Variants in SCRG1 observed in about 807,000 individuals in gnomAD.
SCRG1 encodes scrapie-responsive protein 1.
In SCRG1, 3 loss-of-function variants were observed where a neutral mutation model predicts 7.7. The ratio of observed to expected loss-of-function variants is 0.39; its 90% CI spans 0.18 to 1.01. The LOEUF (loss-of-function observed/expected upper bound fraction) is 1.01. SCRG1 is among the 50% of genes least tolerant of loss of function. The pLI, the probability that SCRG1 is intolerant of heterozygous loss-of-function variation, is 0.36. For missense variants in SCRG1, 110 were observed against 117.2 expected, an observed-to-expected ratio of 0.94 and a Z score of 0.28; for synonymous variants, 46 against 41.2, an observed-to-expected ratio of 1.12 and a Z score of -0.44.
chr4:173,415,763 C>G, the SCRG1 span, among the ~76,000 whole-genome samples: 1 of 152,152 alleles, frequency 6.6e-6, no homozygotes, highest in East Asian at 1.9e-4. Context: ...CAAACATGAT[C>G]TCTTCTGGTC....
the SCRG1 span, among the ~76,000 whole-genome samples, chr4:173,461,908 C>CA: frequency 1.3e-5 from 2 of 151,564 alleles, no homozygotes; most frequent in African/African-American, 2.4e-5. Context: ...ATTCTGGAGC[C>CA]AAAAAATGCA....
chr4:173,431,159 TA>T, the SCRG1 span, among the ~76,000 whole-genome samples: 1 of 152,176 alleles, frequency 6.6e-6, no homozygotes, highest in Admixed American at 6.5e-5. Context: ...TTAAAATTGT[TA>T]AAGAGAAAAG....
chr4:173,421,713 G>T, the SCRG1 span, among the ~76,000 whole-genome samples: 1 of 152,102 alleles, frequency 6.6e-6, no homozygotes, highest in Non-Finnish European at 1.5e-5. Flanking sequence ...ATAAATGCAG[G>T]GGTAGATTCT....
At chr4:173,491,321 T>G in the SCRG1 span, among the ~76,000 whole-genome samples, 93 of 151,824 alleles carry the variant, frequency 6.1e-4, no homozygotes, top group Non-Finnish European at 9.6e-4. Flanking sequence ...GATGAGTCAC[T>G]TCTCTGTATC....
upstream of SCRG1, among the ~76,000 whole-genome samples, chr4:173,409,365 T>G (rs1440811202): frequency 6.6e-6 from 1 of 152,196 alleles, no homozygotes; most frequent in Non-Finnish European, 1.5e-5. Flanking sequence ...GCCCTTCAGA[T>G]GCTTAGCTGC....
At chr4:173,494,703 G>T in the SCRG1 span, among the ~76,000 whole-genome samples, 1 of 152,218 alleles carries the variant, frequency 6.6e-6, no homozygotes, top group African/African-American at 2.4e-5. Flanking sequence ...GGGCAGCCAG[G>T]CTGCTGGCCA....
the SCRG1 span, among the ~76,000 whole-genome samples, chr4:173,431,576 A>G: frequency 6.6e-6 from 1 of 152,248 alleles, no homozygotes; most frequent in Non-Finnish European, 1.5e-5. Flanking sequence ...TGTAAAGTGA[A>G]GCCAGATCCA....
At chr4:173,470,595 G>T in the SCRG1 span, among the ~76,000 whole-genome samples, 1 of 152,134 alleles carries the variant, frequency 6.6e-6, no homozygotes, top group African/African-American at 2.4e-5. Context: ...ACTAAAATCA[G>T]TTTTTGTCTT....
chr4:173,402,249 G>A (rs960062648), upstream of SCRG1, among the ~76,000 whole-genome samples: 2 of 152,138 alleles, frequency 1.3e-5, no homozygotes, highest in Admixed American at 6.6e-5. Flanking sequence ...TGATGATGAC[G>A]ATGGTGATGA....
chr4:173,417,099 AACACAC>A, the SCRG1 span, among the ~76,000 whole-genome samples: 5 of 146,828 alleles, frequency 3.4e-5, no homozygotes, highest in African/African-American at 1.3e-4. Flanking sequence ...CATCACACAC[AACACAC>A]ACACACACAG....
At chr4:173,479,739 C>T in the SCRG1 span, among the ~76,000 whole-genome samples, 7 of 150,870 alleles carry the variant, frequency 4.6e-5, no homozygotes, top group East Asian at 2.0e-4. Flanking sequence ...CATGCCCAGC[C>T]GACCTGTTAT....
chr4:173,447,783 G>A, the SCRG1 span, among the ~76,000 whole-genome samples: 2 of 152,154 alleles, frequency 1.3e-5, no homozygotes, highest in African/African-American at 4.8e-5. Context: ...TACTTCTGCT[G>A]TGTACCAAAG....
intron 2 of SCRG1, among the ~76,000 whole-genome samples, chr4:173,388,957 A>G (rs914294900): frequency 3.5e-4 from 54 of 152,344 alleles, no homozygotes; most frequent in Middle Eastern, 3.4e-3. Context: ...GATTTTCCCA[A>G]AATCAAGTAT....
the SCRG1 span, among the ~76,000 whole-genome samples, chr4:173,411,543 C>A: frequency 6.6e-6 from 1 of 152,072 alleles, no homozygotes; most frequent in Non-Finnish European, 1.5e-5. Context: ...GGATAAATTG[C>A]AACATATTTA....
the SCRG1 span, among the ~76,000 whole-genome samples, chr4:173,448,293 T>C: frequency 2.0e-5 from 3 of 152,266 alleles, no homozygotes; most frequent in African/African-American, 7.2e-5. Flanking sequence ...CCATCTGCCA[T>C]GCTCTTGAGC....
the SCRG1 span, among the ~76,000 whole-genome samples, chr4:173,457,291 G>C: frequency 6.6e-6 from 1 of 152,222 alleles, no homozygotes; most frequent in Non-Finnish European, 1.5e-5. Context: ...TCTGAAGACA[G>C]AAAGGCACAC....
At chr4:173,446,328 C>A in the SCRG1 span, among the ~76,000 whole-genome samples, 1 of 152,082 alleles carries the variant, frequency 6.6e-6, no homozygotes, top group Admixed American at 6.5e-5. Context: ...AAACTGCTGG[C>A]ACTTTAGCAT....
At chr4:173,439,125 C>G in the SCRG1 span, among the ~76,000 whole-genome samples, 4 of 152,166 alleles carry the variant, frequency 2.6e-5, no homozygotes, top group Non-Finnish European at 5.9e-5. Flanking sequence ...CCCTTGGAAA[C>G]AGTTGAAAAT....
the SCRG1 span, among the ~76,000 whole-genome samples, chr4:173,480,703 A>G: frequency 8.5e-5 from 13 of 152,150 alleles, no homozygotes; most frequent in Admixed American, 6.6e-4. Flanking sequence ...ATATTAAGGA[A>G]TTACTGTGAA....
Sources: gnomAD v4.1 joint callset for allele counts (sites outside exome capture counted in the v4.1 genomes callset) on GRCh38, gnomAD v4.1.1 for gene constraint, MANE v1.5 for transcripts, NCBI Gene and HGNC (gene_info 2026-07-23, HGNC 2026-07-21) for gene names.